BMP5: variants seen among roughly 807,000 people sequenced by gnomAD.
BMP5 encodes the protein bone morphogenetic protein 5.
In BMP5, 23 loss-of-function variants were observed where a neutral mutation model predicts 46.6. That is an observed-to-expected ratio of 0.49 (90% CI 0.35 to 0.70). The LOEUF (loss-of-function observed/expected upper bound fraction) is 0.70. Among genes scored for constraint, BMP5 ranks in the 30% least tolerant of loss-of-function variants. The pLI is 0.00. For missense variants in BMP5, 545 were observed against 565.6 expected (o/e 0.96, Z 0.37); for synonymous variants, 204 against 191.9 (o/e 1.06, Z -0.52).
chr6:55,763,250 A>T (rs1031279897), intron 4 of BMP5, among the ~76,000 whole-genome samples: 2 of 152,172 alleles, frequency 1.3e-5, no homozygotes, highest in African/African-American at 2.4e-5. Context: ...GATTATTTGA[A>T]TTCTATGTAT....
Position 55,759,031 on chromosome 6 carries a change from T to C in BMP5, c.1189A>G (p.Thr397Ala). Reference protein sequence around the residue: ...SFPLNAHMNATNHAIVQTLVH... With the variant: ...SFPLNAHMNAANHAIVQTLVH... The stretch of plus-strand genomic sequence containing the variant: ...AGAGTCTGAACTATAGCGTGGTTGG[T>C]GGCATTCATATGGGCGTTAAGTGGA... The change falls in exon 6 of 7, where the codon ACC (threonine) becomes GCC (alanine). Residue 397 changes from threonine to alanine, a missense_variant. Transcript: ENST00000370830. 1 of 1,610,330 alleles carries C rather than the reference T, an allele frequency of 6.2e-7. No homozygotes were observed. The highest frequency in any genetic ancestry group is 8.5e-7 in the Non-Finnish European group (1 of 1,177,860).
At chr6:55,829,944 G>A (rs578138485) in intron 1 of BMP5, among the ~76,000 whole-genome samples, 7 of 151,762 alleles carry the variant, frequency 4.6e-5, no homozygotes, top group African/African-American at 1.4e-4. Flanking sequence ...TCTTTTTAAG[G>A]TATTAAAAAC....
At chr6:55,834,662 C>CA (rs1385799634) in intron 1 of BMP5, among the ~76,000 whole-genome samples, 2 of 151,952 alleles carry the variant, frequency 1.3e-5, no homozygotes, top group African/African-American at 2.4e-5. Context: ...TCCTTTCCCC[C>CA]AAAAAAGTAA....
chr6:55,864,334 G>A (rs1777591411), intron 1 of BMP5, among the ~76,000 whole-genome samples: 1 of 152,132 alleles, frequency 6.6e-6, no homozygotes, highest in South Asian at 2.1e-4. Context: ...CTTGGATTAT[G>A]AAGGCACTGC....
chr6:55,781,277 T>C (rs1204793690), intron 3 of BMP5, among the ~76,000 whole-genome samples: 2 of 152,134 alleles, frequency 1.3e-5, no homozygotes, highest in Admixed American at 6.6e-5. Flanking sequence ...TCTCCAGTTA[T>C]TATGTGACTT....
intron 1 of BMP5, among the ~76,000 whole-genome samples, chr6:55,822,260 G>A (rs1436063203): frequency 1.3e-5 from 2 of 152,122 alleles, no homozygotes; most frequent in Admixed American, 1.3e-4. Context: ...GTATTTACAA[G>A]TCCAAAATCC....
intron 1 of BMP5, among the ~76,000 whole-genome samples, chr6:55,848,947 A>T (rs1344326295): frequency 6.6e-6 from 1 of 152,052 alleles, no homozygotes; most frequent in East Asian, 1.9e-4. Flanking sequence ...GAGAATAAAC[A>T]CACTTCATCT....
chr6:55,759,290 A>G (rs1774708270), intron 5 of BMP5, among the ~76,000 whole-genome samples, 175 bp from the exon 6 acceptor site: 1 of 151,556 alleles, frequency 6.6e-6, no homozygotes, highest in Admixed American at 6.6e-5. Flanking sequence ...CAATTATTCT[A>G]ATGGAATTAT....
rs111350570 is a variant in BMP5 at position 55,855,267 on chromosome 6, G to A, written c.490+19109C>T. 9.8e-3 allele frequency among the ~76,000 whole-genome samples: 1,481 copies of A among 150,736 alleles called. 17 individuals are homozygous for A. Among genetic ancestry groups the A allele is most frequent in the African/African-American group, 0.034 (1,389 of 41,024 alleles). On this transcript the variant is annotated intron_variant, in intron 1 of 6. Coordinates refer to ENST00000370830, the MANE Select transcript of BMP5 (RefSeq NM_021073.4). ...TAGTTATTTTTATTTATTTATTTTG[G>A]GGGAGAGTGTGGAAGGTCGAGGTGG...
At position 55,874,744 on chromosome 6, in the gene BMP5, C is replaced by G; in HGVS notation, c.122G>C (p.Arg41Thr). Residue 41 changes from arginine (R) to threonine (T), a missense_variant, in exon 1 of 7, where the codon AGA becomes ACA. Arg to Thr is a moderately conservative substitution (Grantham distance 71). Coordinates refer to ENST00000370830, the MANE Select transcript of BMP5 (RefSeq NM_021073.4). Reference sequence around the variant, plus strand: ...CCGTCTTTCGTGGTTCCGTAGTCTTCTATAAATAAAACTGGAGTGAACATG... The same window carrying G: ...CCGTCTTTCGTGGTTCCGTAGTCTTGTATAAATAAAACTGGAGTGAACATG... ...DNHVHSSFIY[R>T]RLRNHERREI... 6.2e-7 allele frequency: 1 copy of G among 1,613,388 alleles called. No homozygotes were observed. Among genetic ancestry groups the G allele is most frequent in the East Asian group, 2.2e-5 (1 of 44,864 alleles).
At chr6:55,760,320 T>C in intron 5 of BMP5, 137 bp downstream of exon 5, 2 of 753,998 alleles carry the variant, frequency 2.7e-6, no homozygotes, top group East Asian at 5.4e-5. Flanking sequence ...GAAAATAAAG[T>C]GAATAAGCCA....
At chr6:55,830,075 T>G (rs1776629480) in intron 1 of BMP5, among the ~76,000 whole-genome samples, 1 of 152,052 alleles carries the variant, frequency 6.6e-6, no homozygotes, top group Admixed American at 6.6e-5. Context: ...TTTACCAGTC[T>G]TTACATTTAC....
intron 1 of BMP5, among the ~76,000 whole-genome samples, chr6:55,826,698 CAAAT>C (rs946979646): frequency 3.3e-5 from 5 of 151,106 alleles, no homozygotes; most frequent in Admixed American, 6.6e-5. Context: ...AAATTAATAA[CAAAT>C]AAACAATTGT....
intron 1 of BMP5, among the ~76,000 whole-genome samples, chr6:55,833,275 T>C (rs1004613557): frequency 6.6e-6 from 1 of 152,156 alleles, no homozygotes. Context: ...CAAAAATTGC[T>C]CTTGTATAGA....
Position 55,789,306 on chromosome 6 carries a change from A to G in BMP5, c.832+4973T>C, listed in dbSNP as rs185485108. Among the ~76,000 whole-genome samples the G allele has an allele frequency of 7.4e-4, 113 of 152,132 alleles. 2 individuals carry two copies. The East Asian group carries it at 0.02, about 26-fold the overall frequency. On this transcript the variant is annotated intron_variant, in intron 3 of 6. Transcript: ENST00000370830. ...CATAGGGCTTTTTAAAAGACATTCTAATGAACCCCAAAATGCTATCTTTGT... is the reference window on the plus strand; with the variant it reads ...CATAGGGCTTTTTAAAAGACATTCTGATGAACCCCAAAATGCTATCTTTGT...
chr6:55,801,889 C>T (rs903165995), intron 2 of BMP5, among the ~76,000 whole-genome samples: 8 of 152,200 alleles, frequency 5.3e-5, no homozygotes, highest in South Asian at 2.1e-4. Context: ...CTCATGCTTA[C>T]GGAAGTCACC....
rs1196737067 is a variant in BMP5, at chr6:55,754,254, C to T, written c.*1279G>A. The T allele has an allele frequency of 1.3e-5, 2 of 151,662 alleles. No homozygotes were observed. The highest frequency in any genetic ancestry group is 2.9e-5 in the Non-Finnish European group (2 of 67,868). 9.4% of individuals were successfully genotyped at this position (151,662 alleles called of 1,614,324 possible). ...AAGTCAGTGTGTGTTAAAGAAAGGCCTTAGAGGGCATTCTAATAGATAGAG... is the reference window on the plus strand; with the variant it reads ...AAGTCAGTGTGTGTTAAAGAAAGGCTTTAGAGGGCATTCTAATAGATAGAG... On this transcript the variant is annotated 3_prime_UTR_variant, in exon 7 of 7. Coordinates refer to ENST00000370830, the MANE Select transcript of BMP5 (RefSeq NM_021073.4).
chr6:55,803,223 G>A (rs1426661728), intron 2 of BMP5, among the ~76,000 whole-genome samples: 1 of 151,864 alleles, frequency 6.6e-6, no homozygotes, highest in East Asian at 1.9e-4. Flanking sequence ...TTAAACCCAG[G>A]AGGCAGAGGT....
intron 1 of BMP5, among the ~76,000 whole-genome samples, chr6:55,839,381 G>T (rs1448014232): frequency 6.6e-6 from 1 of 151,948 alleles, no homozygotes; most frequent in Non-Finnish European, 1.5e-5. Flanking sequence ...GGAATACAGT[G>T]GTACAATCAT....
Sources: gnomAD v4.1 joint callset for allele counts (sites outside exome capture counted in the v4.1 genomes callset) on GRCh38, gnomAD v4.1.1 for gene constraint, MANE v1.5 for transcripts, NCBI Gene and HGNC (gene_info 2026-07-23, HGNC 2026-07-21) for gene names.